The following DPH6 variants were observed in gnomAD, a reference collection of about 807,000 sequenced individuals.
DPH6 encodes diphthine--ammonia ligase.
In DPH6, 33 loss-of-function variants were observed where a neutral mutation model predicts 38.2. The ratio of observed to expected loss-of-function variants is 0.86; its 90% CI spans 0.65 to 1.15. The LOEUF is 1.15. Among genes scored for constraint, DPH6 ranks in the 50% most tolerant of loss-of-function variants. The pLI, the probability that DPH6 is intolerant of heterozygous loss-of-function variation, is 0.00. For missense variants in DPH6, 325 were observed against 320.0 expected, an observed-to-expected ratio of 1.02 and a Z score of -0.12; for synonymous variants, 108 against 103.0, an observed-to-expected ratio of 1.05 and a Z score of -0.30.
intron 5 of DPH6, among the ~76,000 whole-genome samples, chr15:35,448,847 C>T (rs79413552): frequency 0.12 from 17,719 of 151,866 alleles, 1,133 homozygotes; most frequent in Middle Eastern, 0.2. Flanking sequence ...ATAAAGGTTA[C>T]ATACCATAAT....
In DPH6 at chr15:35,371,659, A is replaced by T; in HGVS notation, c.*491T>A. 1.0e-6 allele frequency: 1 copy of T among 985,248 alleles called. No homozygotes were observed. The highest frequency in any genetic ancestry group is 1.2e-6 in the Non-Finnish European group (1 of 829,816). The allele number at this position is 985,248 out of a possible 1,614,324, so 61.0% of individuals were successfully genotyped here. ...CCTAATTGTCCAATAACGTTGAAAC[A>T]CTTCAACCATGAATATATTTAAAAT... is the stretch of plus-strand genomic sequence containing the variant. On this transcript the variant is annotated 3_prime_UTR_variant, in exon 9 of 9. Transcript: ENST00000256538.
intron 3 of DPH6, among the ~76,000 whole-genome samples, chr15:35,275,494 T>G (rs1486541805): frequency 6.6e-6 from 1 of 152,046 alleles, no homozygotes; most frequent in Admixed American, 6.6e-5. Flanking sequence ...AAGTGGGAGC[T>G]GAGCAATGAG....
At chr15:35,311,168 G>A (rs2052138966) in intron 3 of DPH6, among the ~76,000 whole-genome samples, 1 of 151,914 alleles carries the variant, frequency 6.6e-6, no homozygotes, top group Non-Finnish European at 1.5e-5. Flanking sequence ...AGTCTAAAAG[G>A]AGAGATAAGA....
chr15:35,296,165 C>T (rs1001029594), intron 3 of DPH6, among the ~76,000 whole-genome samples: 9 of 151,856 alleles, frequency 5.9e-5, no homozygotes, highest in Admixed American at 5.9e-4. Flanking sequence ...GGTCTCGATC[C>T]CCTGACCTCT....
chr15:35,414,402 A>G (rs2053410216), intron 5 of DPH6, among the ~76,000 whole-genome samples: 1 of 151,792 alleles, frequency 6.6e-6, no homozygotes, highest in Non-Finnish European at 1.5e-5. Context: ...ACAATTTTCA[A>G]TGTACCTATG....
At chr15:35,167,790 C>T in the DPH6 span, among the ~76,000 whole-genome samples, 5 of 152,008 alleles carry the variant, frequency 3.3e-5, no homozygotes, top group Non-Finnish European at 5.9e-5. Context: ...CTCGTCCTTT[C>T]TCTTCCTGAT....
chr15:35,393,513 G>A (rs1330988773), intron 6 of DPH6, among the ~76,000 whole-genome samples: 1 of 152,144 alleles, frequency 6.6e-6, no homozygotes, highest in Admixed American at 6.5e-5. Flanking sequence ...ATGAATGGAG[G>A]ACAAAAGGGT....
chr15:35,447,456 C>T (rs2053870241), intron 5 of DPH6, among the ~76,000 whole-genome samples: 1 of 152,072 alleles, frequency 6.6e-6, no homozygotes. Context: ...CCATTTCCAT[C>T]TATTACCTGT....
At chr15:35,504,733 A>G (rs528222223) in intron 3 of DPH6, among the ~76,000 whole-genome samples, 1 of 152,182 alleles carries the variant, frequency 6.6e-6, no homozygotes, top group Non-Finnish European at 1.5e-5. Context: ...TCATAATCTT[A>G]ATTAATCACT....
At chr15:35,390,943 C>G (rs1315513238) in intron 6 of DPH6, among the ~76,000 whole-genome samples, 3 of 152,194 alleles carry the variant, frequency 2.0e-5, no homozygotes, top group African/African-American at 7.2e-5. Context: ...TCTGGTTTTT[C>G]TGCTCTGTTT....
chr15:35,243,243 C>A (rs2051612738), intron 3 of DPH6, among the ~76,000 whole-genome samples: 1 of 142,620 alleles, frequency 7.0e-6, no homozygotes, highest in South Asian at 2.5e-4. Context: ...TCAGCTTAAT[C>A]TCTCCCACTC....
downstream of DPH6, among the ~76,000 whole-genome samples, chr15:35,213,839 G>A (rs990006976): frequency 4.6e-5 from 7 of 152,192 alleles, no homozygotes; most frequent in African/African-American, 7.2e-5. Flanking sequence ...GAGGCCGGGC[G>A]CGGTGGCTCA....
In DPH6 at chr15:35,285,872, GTT is replaced by G. The variant is rs67243158; in HGVS notation, n.201-65292_201-65291del. On this transcript the variant is annotated intron_variant and non_coding_transcript_variant, in intron 3 of 3. Transcript: ENST00000560386. Reference sequence around the variant, plus strand: ...GACTCAATTATCATTTTATCTTTGAGTTTTTTTTTTTTTTTTTACCTGAGACC... The same window carrying G: ...GACTCAATTATCATTTTATCTTTGAGTTTTTTTTTTTTTTTACCTGAGACC... 1.7e-4 allele frequency among the ~76,000 whole-genome samples: 9 copies of G among 52,814 alleles called. 2 individuals are homozygous for G. The highest frequency in any genetic ancestry group is 2.3e-4 in the Non-Finnish European group (7 of 30,542). The allele number at this position is 52,814 out of a possible 152,430, so 34.6% of individuals were successfully genotyped here. A position where few individuals can be genotyped will look rare whatever the true frequency, so the allele number is the denominator to read the frequency against.
chr15:35,246,405 A>T (rs1353145376), intron 3 of DPH6, among the ~76,000 whole-genome samples: 1 of 152,194 alleles, frequency 6.6e-6, no homozygotes, highest in Non-Finnish European at 1.5e-5. Flanking sequence ...ACGGAGGATG[A>T]CACATCCAAA....
chr15:35,237,974 GA>G, intron 3 of DPH6: 1 of 1,438,444 alleles, frequency 7.0e-7, no homozygotes, highest in South Asian at 1.1e-5. Flanking sequence ...AGAGGTTGAT[GA>G]TGAGGAAGAT....
At chr15:35,412,822 G>A (rs1370270485) in intron 5 of DPH6, among the ~76,000 whole-genome samples, 1 of 151,644 alleles carries the variant, frequency 6.6e-6, no homozygotes, top group Non-Finnish European at 1.5e-5. Context: ...CAGGGGTTTT[G>A]GGTAGGGGGC....
At chr15:35,184,178 T>C in the DPH6 span, among the ~76,000 whole-genome samples, 5,778 of 152,316 alleles carry the variant, frequency 0.038, 158 homozygotes, top group South Asian at 0.085. Context: ...CTTTCAAAGC[T>C]GATGCTATAT....
At chr15:35,388,787 A>C (rs2053009133) in intron 6 of DPH6, among the ~76,000 whole-genome samples, 1 of 152,136 alleles carries the variant, frequency 6.6e-6, no homozygotes, top group South Asian at 2.1e-4. Context: ...CTTTTCAAAA[A>C]ACCAGCTCCT....
chr15:35,279,831 T>C (rs765517344), intron 3 of DPH6, among the ~76,000 whole-genome samples: 8 of 152,216 alleles, frequency 5.3e-5, no homozygotes, highest in Non-Finnish European at 1.0e-4. Flanking sequence ...CAAATTCATA[T>C]GTTGAAGCCC....
Sources: allele counts gnomAD v4.1 joint callset (sites outside exome capture counted in the v4.1 genomes callset), GRCh38; gene constraint gnomAD v4.1.1; transcripts MANE v1.5; gene names NCBI Gene and HGNC (gene_info 2026-07-23, HGNC 2026-07-21).